The following RARB variants were observed in gnomAD, a reference collection of about 807,000 sequenced individuals.
RARB encodes the protein HBV-activated protein.
In RARB, 17 loss-of-function variants were observed where a neutral mutation model predicts 51.9. The observed-to-expected ratio is 0.33, with a 90% CI of 0.22 to 0.49. The LOEUF (loss-of-function observed/expected upper bound fraction) is 0.49. Ranked by LOEUF, RARB falls within the 20% of genes least tolerant of loss-of-function variation. RARB has a pLI of 0.99. For missense variants in RARB, 369 were observed against 550.8 expected (o/e 0.67, Z 3.30); for synonymous variants, 215 against 195.4 (o/e 1.10, Z -0.84).
At chr3:25,358,822 A>G (rs965463819) in intron 5 of RARB, among the ~76,000 whole-genome samples, 1 of 152,114 alleles carries the variant, frequency 6.6e-6, no homozygotes, top group African/African-American at 2.4e-5. Flanking sequence ...CATCCCGGGG[A>G]TGAAGCCGAC....
At chr3:25,427,044 T>C (rs1042466062), upstream of RARB, among the ~76,000 whole-genome samples, 2 of 152,150 alleles carry the variant, frequency 1.3e-5, no homozygotes, top group Admixed American at 1.3e-4. Flanking sequence ...CTTAAACCAG[T>C]TTACAAAATA....
chr3:25,059,771 A>G (rs1029451697), intron 2 of RARB, among the ~76,000 whole-genome samples: 13 of 151,666 alleles, frequency 8.6e-5, no homozygotes, highest in African/African-American at 3.1e-4. Context: ...AGCAAGCAAA[A>G]TCAGGGCCGA....
At position 25,443,575 on chromosome 3, in the gene RARB, C is replaced by T. The variant is rs200532376; in HGVS notation, c.157+14687C>T. Among the ~76,000 whole-genome samples the T allele has an allele frequency of 6.9e-4, 103 of 149,072 alleles. 2 individuals are homozygous for T. The East Asian group carries it at 7.6e-3, about 11-fold the overall frequency. On this transcript the variant is annotated intron_variant, in intron 1 of 7. Transcript: ENST00000330688. ...TTGCAGTGAGCCAAGATTGCACCAT[C>T]GTTCTCTAGCCTGGGCGACAGACAG...
rs182567125 is a variant in RARB at position 25,213,272 on chromosome 3, C to T, written c.178+38697C>T. On this transcript the variant is annotated intron_variant, in intron 5 of 11. Coordinates refer to the RARB transcript ENST00000383772. ...TGTCCTGCCTTCTGACAGCATAGAT[C>T]TGTACAGCTTTCTTTTGTACACTAC... 2.7e-3 allele frequency among the ~76,000 whole-genome samples: 410 copies of T among 152,308 alleles called. 2 individuals carry two copies. Among genetic ancestry groups the T allele is most frequent in the African/African-American group, 9.5e-3 (395 of 41,560 alleles).
At chr3:25,076,445 C>T (rs1698872211) in intron 3 of RARB, among the ~76,000 whole-genome samples, 1 of 152,138 alleles carries the variant, frequency 6.6e-6, no homozygotes, top group Non-Finnish European at 1.5e-5. Flanking sequence ...ATGCTTTGTA[C>T]ATGTAATGGC....
intron 5 of RARB, among the ~76,000 whole-genome samples, chr3:25,407,649 A>G (rs1284033916): frequency 6.6e-6 from 1 of 152,098 alleles, no homozygotes; most frequent in African/African-American, 2.4e-5. Context: ...GCACGCACAC[A>G]CACACAGAAT....
chr3:25,106,450 T>TTTTTG (rs1491231864), intron 3 of RARB, among the ~76,000 whole-genome samples: 6,537 of 86,970 alleles, frequency 0.075, 1,112 homozygotes, highest in African/African-American at 0.11. Context: ...TACTGTTTTT[T>TTTTTG]GTTTTTTGTT....
chr3:25,370,526 C>G (rs772506321), intron 5 of RARB, among the ~76,000 whole-genome samples: 4 of 152,146 alleles, frequency 2.6e-5, no homozygotes, highest in African/African-American at 4.8e-5. Flanking sequence ...GGTGAAAATA[C>G]CCGCTTAAAT....
chr3:24,841,096 T>C (rs887998897), intron 1 of RARB, among the ~76,000 whole-genome samples: 1 of 152,326 alleles, frequency 6.6e-6, no homozygotes, highest in African/African-American at 2.4e-5. Flanking sequence ...TGTAGATAAG[T>C]GTCCAGGAGA....
chr3:25,178,091 A>G (rs1426578283), intron 5 of RARB, among the ~76,000 whole-genome samples: 1 of 151,958 alleles, frequency 6.6e-6, no homozygotes, highest in Non-Finnish European at 1.5e-5. Flanking sequence ...TATTGGTATG[A>G]TCATTTGTGA....
chr3:25,372,050 G>A (rs941651574), intron 5 of RARB, among the ~76,000 whole-genome samples: 1 of 152,200 alleles, frequency 6.6e-6, no homozygotes, highest in Non-Finnish European at 1.5e-5. Context: ...ATGAAAAAGA[G>A]AGGCATAGAG....
intron 5 of RARB, among the ~76,000 whole-genome samples, chr3:25,292,875 C>T (rs1703823245): frequency 6.6e-6 from 1 of 152,146 alleles, no homozygotes; most frequent in Non-Finnish European, 1.5e-5. Flanking sequence ...ATAGCTTTTG[C>T]CTTAGTGTCA....
At chr3:25,252,097 C>T (rs904960729) in intron 5 of RARB, among the ~76,000 whole-genome samples, 1 of 152,108 alleles carries the variant, frequency 6.6e-6, no homozygotes, top group Non-Finnish European at 1.5e-5. Context: ...GTCCCAGCAC[C>T]ATTTGTTAAA....
rs190817719 is a variant in RARB, at chr3:25,276,350, C to A, written c.178+101775C>A. On this transcript the variant is annotated intron_variant, in intron 5 of 11. Coordinates refer to the RARB transcript ENST00000383772. ...TTTAGCCCGTTATGTAAGCTAACTA[C>A]CCTGATTTGATCATTATACAATGTA... Among the ~76,000 whole-genome samples the A allele has an allele frequency of 1.5e-3, 221 of 152,134 alleles. 1 individual carries two copies. The highest frequency in any genetic ancestry group is 8.9e-3 in the South Asian group (43 of 4,814).
At chr3:25,319,274 C>T (rs894242419) in intron 5 of RARB, among the ~76,000 whole-genome samples, 6 of 152,108 alleles carry the variant, frequency 3.9e-5, no homozygotes, top group Non-Finnish European at 7.4e-5. Context: ...CAGGTCCTCC[C>T]AGGATACAGT....
chr3:25,058,007 CA>C (rs1698472342), intron 2 of RARB, among the ~76,000 whole-genome samples: 1 of 151,800 alleles, frequency 6.6e-6, no homozygotes, highest in Non-Finnish European at 1.5e-5. Context: ...CTGCCCAAAC[CA>C]ATATTGAATT....
At chr3:25,580,940 G>C (rs1465005601) in intron 5 of RARB, among the ~76,000 whole-genome samples, 1 of 152,140 alleles carries the variant, frequency 6.6e-6, no homozygotes, top group African/African-American at 2.4e-5. Flanking sequence ...GGTCTGCGAG[G>C]CTCAAATGGG....
At chr3:25,036,097 T>C (rs1192563637) in intron 2 of RARB, among the ~76,000 whole-genome samples, 1 of 152,202 alleles carries the variant, frequency 6.6e-6, no homozygotes, top group Non-Finnish European at 1.5e-5. Context: ...TTTTTTTTAT[T>C]TCTGCCTCCA....
At chr3:25,069,012 T>C (rs913435906) in intron 3 of RARB, among the ~76,000 whole-genome samples, 1 of 148,056 alleles carries the variant, frequency 6.8e-6, no homozygotes, top group Non-Finnish European at 1.5e-5. Flanking sequence ...AATCTTCCTC[T>C]GAAAAAAAAA....
Sources: allele counts gnomAD v4.1 joint callset (sites outside exome capture counted in the v4.1 genomes callset), GRCh38; gene constraint gnomAD v4.1.1; transcripts MANE v1.5; gene names NCBI Gene and HGNC (gene_info 2026-07-23, HGNC 2026-07-21).